Variants in EXD2 observed in about 807,000 individuals in gnomAD.
EXD2 encodes exonuclease 3'-5' domain containing 2, also known as exonuclease 3'-5' domain-containing protein 2.
A neutral mutation model predicts 62.5 loss-of-function variants in EXD2; 40 were observed. That is an observed-to-expected ratio of 0.64 (90% CI 0.50 to 0.83). The LOEUF (loss-of-function observed/expected upper bound fraction) is 0.83, where lower values mean the gene tolerates loss of function less well. Among genes scored for constraint, EXD2 ranks in the 40% least tolerant of loss-of-function variants. The pLI is 0.00. For synonymous variants in EXD2, 239 were observed against 291.9 expected (o/e 0.82, Z 1.85); for missense variants, 671 against 761.8 (o/e 0.88, Z 1.40).
chr14:69,205,073 A>G (rs2042542979), intron 2 of EXD2, among the ~76,000 whole-genome samples: 1 of 152,182 alleles, frequency 6.6e-6, no homozygotes, highest in Admixed American at 6.5e-5. Flanking sequence ...TCTTTTTGTG[A>G]ATAGATTTAA....
chr14:69,209,658 C>T lies in EXD2; in HGVS notation c.188C>T (p.Ser63Phe), dbSNP rs766419235. 3.9e-5 allele frequency: 60 copies of T among 1,550,388 alleles called. No individual in the cohort carries two copies. The Middle Eastern group carries it at 2.2e-3, about 56-fold the overall frequency. Residue 63 changes from serine (S) to phenylalanine (F), a missense_variant, in exon 3 of 10, where the codon TCC becomes TTC. By Grantham distance (155) the Ser-to-Phe change is radical (BLOSUM62 -2). Coordinates refer to ENST00000685843, the MANE Select transcript of EXD2 (RefSeq NM_001193360.2). ...LPPPEDDQLH[S>F]SAPRSSWKER... ...CCTCCAGAAGATGATCAGCTGCACT[C>T]CAGTGCCCCCAGATCCTCGTGGAAG...
chr14:69,220,148 G>A (rs1191431939), intron 3 of EXD2, among the ~76,000 whole-genome samples: 4 of 150,194 alleles, frequency 2.7e-5, no homozygotes, highest in Admixed American at 6.6e-5. Flanking sequence ...GAATTCCTGG[G>A]ATAAATGCCC....
chr14:69,197,080 T>C (rs1195603275), intron 1 of EXD2, among the ~76,000 whole-genome samples: 1 of 152,192 alleles, frequency 6.6e-6, no homozygotes, highest in Non-Finnish European at 1.5e-5. Flanking sequence ...TTCAGTTAGC[T>C]GGACTTGTCT....
chr14:69,240,813 C>G (rs1566845271), intron 9 of EXD2, 71 bp from the exon 10 acceptor site: 1 of 1,367,990 alleles, frequency 7.3e-7, no homozygotes, highest in East Asian at 2.3e-5. Flanking sequence ...TGGCGCGCAG[C>G]ATTTGAAGCT....
chr14:69,235,297 C>T (rs1190447625), intron 6 of EXD2, among the ~76,000 whole-genome samples: 2 of 152,122 alleles, frequency 1.3e-5, no homozygotes, highest in Non-Finnish European at 2.9e-5. Context: ...CTGTCATTGA[C>T]CCTGATGTGA....
rs1333329345 is a variant in EXD2, at chr14:69,220,548, G to A, written c.334-8268G>A. Among the ~76,000 whole-genome samples the A allele has an allele frequency of 4.9e-5, 7 of 144,238 alleles. 1 individual carries two copies. The South Asian group carries it at 1.1e-3, about 24-fold the overall frequency. 94.6% of individuals were successfully genotyped at this position (144,238 alleles called of 152,430 possible). ...GCTGGGATTACAAGTGTGAGCCACC[G>A]TGCTGGGCATTTTTTTTTTTTTTTT... On this transcript the variant is annotated intron_variant, in intron 3 of 9. Transcript: ENST00000685843.
At position 69,237,613 on chromosome 14, in the gene EXD2, C is replaced by T; in HGVS notation, c.1331C>T (p.Pro444Leu). The T allele has an allele frequency of 6.2e-7, 1 of 1,614,240 alleles. No individual in the cohort carries two copies. Among genetic ancestry groups the T allele is most frequent in the Non-Finnish European group, 8.5e-7 (1 of 1,180,030 alleles). ...VIPHEYRKHF[P>L]IEMKDHNSHD... ...CCACATGAGTACCGGAAGCACTTCC[C>T]CATCGAGATGAAGGACCACAACTCC... is the stretch of plus-strand genomic sequence containing the variant. The change falls in exon 9 of 10, where the codon CCC becomes CTC. Residue 444 changes from proline to leucine, a missense_variant. Pro to Leu is a moderately conservative substitution (Grantham distance 98, BLOSUM62 -3). Transcript: ENST00000685843.
At chr14:69,210,094 T>TTTGG (rs776819890) in intron 3 of EXD2, 13 of 235,422 alleles carry the variant, frequency 5.5e-5, no homozygotes, top group African/African-American at 4.5e-5. Flanking sequence ...TCTTTGTTTG[T>TTTGG]TTGGTTGTTT....
chr14:69,211,693 A>G (rs1271251484), intron 3 of EXD2, among the ~76,000 whole-genome samples: 1 of 152,066 alleles, frequency 6.6e-6, no homozygotes, highest in Non-Finnish European at 1.5e-5. Context: ...TTTTAGAACT[A>G]TTTACATCAG....
chr14:69,221,386 A>T (rs1177936288), intron 3 of EXD2, among the ~76,000 whole-genome samples: 1 of 152,188 alleles, frequency 6.6e-6, no homozygotes, highest in Non-Finnish European at 1.5e-5. Context: ...TAGAGCTATT[A>T]ATATTTTCTA....
At chr14:69,227,109 G>A (rs567790992) in intron 3 of EXD2, among the ~76,000 whole-genome samples, 4 of 152,188 alleles carry the variant, frequency 2.6e-5, no homozygotes, top group South Asian at 4.1e-4. Flanking sequence ...CAGCCTCCCC[G>A]CTATTGACAT....
chr14:69,207,516 T>C (rs1157462537), intron 2 of EXD2, among the ~76,000 whole-genome samples: 3 of 152,048 alleles, frequency 2.0e-5, no homozygotes, highest in Admixed American at 6.6e-5. Context: ...TTTAAAGTTA[T>C]TGATGAAACT....
intron 3 of EXD2, among the ~76,000 whole-genome samples, chr14:69,211,199 ACTAAGTTTATGCAATATT>A (rs1328178607): frequency 6.6e-6 from 1 of 152,086 alleles, no homozygotes; most frequent in Non-Finnish European, 1.5e-5. Flanking sequence ...TGCTTTATCA[ACTAAGTTTATGCAATATT>A]CTAAATCTTT....
intron 1 of EXD2, among the ~76,000 whole-genome samples, chr14:69,195,468 A>T (rs1387596225): frequency 6.6e-6 from 1 of 152,184 alleles, no homozygotes; most frequent in Non-Finnish European, 1.5e-5. Flanking sequence ...AAATGCTGGG[A>T]TTACAGGTGT....
chr14:69,226,317 A>G (rs1267938415), intron 3 of EXD2, among the ~76,000 whole-genome samples: 1 of 152,208 alleles, frequency 6.6e-6, no homozygotes, highest in Non-Finnish European at 1.5e-5. Flanking sequence ...GCCTCAAGAA[A>G]TAGACAATGA....
chr14:69,226,306 A>T (rs1045566429), intron 3 of EXD2, among the ~76,000 whole-genome samples: 8 of 152,236 alleles, frequency 5.3e-5, no homozygotes, highest in African/African-American at 1.9e-4. Context: ...ACCTTGGCTG[A>T]GCCTCAAGAA....
At chr14:69,240,661 G>A (rs1269092493) in intron 9 of EXD2, among the ~76,000 whole-genome samples, 1 of 152,134 alleles carries the variant, frequency 6.6e-6, no homozygotes, top group African/African-American at 2.4e-5. Flanking sequence ...TGTCAGTAGA[G>A]CTCAGAACCC....
At chr14:69,238,050 C>T in intron 9 of EXD2, 119 bp downstream of exon 9, 1 of 824,954 alleles carries the variant, frequency 1.2e-6, no homozygotes, top group Non-Finnish European at 1.9e-6. Flanking sequence ...TCATGCTTCA[C>T]CTAGTAGGTG....
At chr14:69,215,324 GTGTGTGTGTA>G (rs1184243757) in intron 3 of EXD2, among the ~76,000 whole-genome samples, 2 of 150,324 alleles carry the variant, frequency 1.3e-5, no homozygotes, top group Non-Finnish European at 3.0e-5. Flanking sequence ...GTGTGTGTGT[GTGTGTGTGTA>G]TAATACAATA....
Sources: allele counts gnomAD v4.1 joint callset (sites outside exome capture counted in the v4.1 genomes callset), GRCh38; gene constraint gnomAD v4.1.1; transcripts MANE v1.5; gene names NCBI Gene and HGNC (gene_info 2026-07-23, HGNC 2026-07-21).